Variants in GLIS1 observed in about 807,000 individuals in gnomAD.
GLIS1 encodes the protein GLIS family zinc finger 1, also known as zinc finger protein GLIS1.
Under a neutral mutation model 63.8 loss-of-function variants are expected in GLIS1, and 24 were observed. The ratio of observed to expected loss-of-function variants is 0.38; its 90% CI spans 0.27 to 0.53. The LOEUF is 0.53. Among genes scored for constraint, GLIS1 ranks in the 20% least tolerant of loss-of-function variants. The pLI, the probability that GLIS1 is intolerant of heterozygous loss-of-function variation, is 0.85. For synonymous variants in GLIS1, 450 were observed against 482.5 expected (o/e 0.93, Z 0.88); for missense variants, 1,036 against 1,074.1 (o/e 0.96, Z 0.50).
At chr1:53,514,597 TGGA>T (rs1477587035) in intron 8 of GLIS1, 25 bp downstream of exon 8, 1 of 1,594,740 alleles carries the variant, frequency 6.3e-7, no homozygotes, top group East Asian at 2.3e-5. Context: ...TTGTTGCCCC[TGGA>T]GGAGGACTGG....
At chr1:53,641,426 CTG>C (rs1645785895) in intron 2 of GLIS1, among the ~76,000 whole-genome samples, 1 of 152,186 alleles carries the variant, frequency 6.6e-6, no homozygotes, top group Non-Finnish European at 1.5e-5. Flanking sequence ...CTCCAGCAGT[CTG>C]GGGAGGAGGA....
At position 53,520,747 on chromosome 1, in the gene GLIS1, G is replaced by T. The variant is rs772016726; in HGVS notation, c.1613C>A (p.Thr538Asn). 3.2e-5 allele frequency: 51 copies of T among 1,607,352 alleles called. No homozygotes were observed. In the Admixed American group the frequency reaches 8.4e-4, roughly 27 times the overall value. ...VRKKLHAGPD[T>N]EADVLTECLV... ...ACACTCGGTCAGGACGTCGGCCTCG[G>T]TGTCAGGGCCCGCATGCAGCTGGGG... The change falls in exon 7 of 11, where the codon ACC becomes AAC. Residue 538 changes from threonine to asparagine, a missense_variant. Transcript: ENST00000628545.
At chr1:53,543,173 AG>A (rs1419471988) in intron 4 of GLIS1, among the ~76,000 whole-genome samples, 1 of 152,186 alleles carries the variant, frequency 6.6e-6, no homozygotes, top group Non-Finnish European at 1.5e-5. Flanking sequence ...TTCTCACTCC[AG>A]TTTGTGGACT....
chr1:53,682,420 A>G (rs1423292196), intron 2 of GLIS1, among the ~76,000 whole-genome samples: 1 of 152,176 alleles, frequency 6.6e-6, no homozygotes, highest in Non-Finnish European at 1.5e-5. Flanking sequence ...CATTCTGTAG[A>G]TGACTGAAGT....
chr1:53,730,631 TC>T (rs1221618994), intron 2 of GLIS1, among the ~76,000 whole-genome samples: 1 of 152,102 alleles, frequency 6.6e-6, no homozygotes, highest in African/African-American at 2.4e-5. Context: ...GGCAGGGCCA[TC>T]CCTTGTACTT....
At chr1:53,655,429 C>T (rs1409229174) in intron 2 of GLIS1, among the ~76,000 whole-genome samples, 3 of 152,106 alleles carry the variant, frequency 2.0e-5, no homozygotes, top group African/African-American at 4.8e-5. Context: ...AGTTATATGG[C>T]CTTGGGGTGC....
intron 4 of GLIS1, among the ~76,000 whole-genome samples, chr1:53,553,919 CCT>C (rs572162048): frequency 6.6e-6 from 1 of 152,238 alleles, no homozygotes; most frequent in South Asian, 2.1e-4. Context: ...AGACAGTGTG[CCT>C]TGCTGACCAG....
chr1:53,604,816 A>T (rs1169361700), intron 2 of GLIS1, among the ~76,000 whole-genome samples: 2 of 152,034 alleles, frequency 1.3e-5, no homozygotes, highest in Non-Finnish European at 2.9e-5. Flanking sequence ...CTTTTTCTGT[A>T]AAGGGCAAAA....
intron 2 of GLIS1, among the ~76,000 whole-genome samples, chr1:53,729,269 G>T (rs923565107): frequency 6.6e-6 from 1 of 152,112 alleles, no homozygotes; most frequent in African/African-American, 2.4e-5. Context: ...TCACCAAGCC[G>T]CTCGATCTGT....
intron 2 of GLIS1, among the ~76,000 whole-genome samples, chr1:53,640,208 G>A (rs1645771156): frequency 6.6e-6 from 1 of 152,178 alleles, no homozygotes; most frequent in African/African-American, 2.4e-5. Flanking sequence ...TAGCTCCCCA[G>A]GCAGCCAGGG....
chr1:53,686,700 G>A (rs565203198), intron 2 of GLIS1, among the ~76,000 whole-genome samples: 1 of 152,124 alleles, frequency 6.6e-6, no homozygotes, highest in Non-Finnish European at 1.5e-5. Flanking sequence ...CATCTGAGCT[G>A]GGTTTAAGAG....
chr1:53,545,422 T>C (rs187941035), intron 4 of GLIS1, among the ~76,000 whole-genome samples: 75 of 152,350 alleles, frequency 4.9e-4, no homozygotes, highest in African/African-American at 1.8e-3. Flanking sequence ...CAGTCATTCA[T>C]CAGCCATTCA....
intron 2 of GLIS1, among the ~76,000 whole-genome samples, chr1:53,680,123 G>A (rs1474012058): frequency 6.6e-6 from 1 of 152,138 alleles, no homozygotes; most frequent in Non-Finnish European, 1.5e-5. Flanking sequence ...AAGGCAGGGA[G>A]GGAGGCAGGT....
chr1:53,610,923 G>A (rs575473404), intron 2 of GLIS1, among the ~76,000 whole-genome samples: 1 of 151,994 alleles, frequency 6.6e-6, no homozygotes, highest in South Asian at 2.1e-4. Flanking sequence ...CCAGTTCACT[G>A]ATCCTCTCTT....
chr1:53,601,249 G>A (rs377227157), intron 2 of GLIS1, among the ~76,000 whole-genome samples: 5 of 152,132 alleles, frequency 3.3e-5, no homozygotes, highest in East Asian at 1.9e-4. Flanking sequence ...GATCTCACCC[G>A]TTCCCCAGTG....
intron 4 of GLIS1, among the ~76,000 whole-genome samples, chr1:53,580,762 T>C (rs754021236): frequency 1.3e-5 from 2 of 152,186 alleles, no homozygotes; most frequent in Non-Finnish European, 2.9e-5. Flanking sequence ...CCGCTTTCCT[T>C]CCTTCCTCAC....
chr1:53,649,938 A>G (rs1645887871), intron 2 of GLIS1, among the ~76,000 whole-genome samples: 1 of 152,178 alleles, frequency 6.6e-6, no homozygotes, highest in Non-Finnish European at 1.5e-5. Context: ...CAGATTTTTG[A>G]CTATACCGGG....
At chr1:53,535,831 AT>A (rs1644576064) in intron 4 of GLIS1, among the ~76,000 whole-genome samples, 1 of 151,904 alleles carries the variant, frequency 6.6e-6, no homozygotes, top group Admixed American at 6.6e-5. Context: ...CAAACCCTGC[AT>A]GGTTCCCCAG....
At chr1:53,573,576 C>T (rs1264271235) in intron 4 of GLIS1, among the ~76,000 whole-genome samples, 3 of 152,230 alleles carry the variant, frequency 2.0e-5, no homozygotes, top group African/African-American at 7.2e-5. Flanking sequence ...CAAAAACTAA[C>T]ACACAGGAGG....
Sources: gnomAD v4.1 joint callset for allele counts (sites outside exome capture counted in the v4.1 genomes callset) on GRCh38, gnomAD v4.1.1 for gene constraint, MANE v1.5 for transcripts, NCBI Gene and HGNC (gene_info 2026-07-23, HGNC 2026-07-21) for gene names.